The following PREX2 variants were observed in gnomAD, a reference collection of about 807,000 sequenced individuals.
PREX2 encodes the protein phosphatidylinositol-3,4,5-trisphosphate dependent Rac exchange factor 2.
A neutral mutation model predicts 203.2 loss-of-function variants in PREX2; 107 were observed. The observed-to-expected ratio is 0.53, with a 90% CI of 0.45 to 0.62. The LOEUF (loss-of-function observed/expected upper bound fraction) is 0.62, where lower values mean the gene tolerates loss of function less well. Among genes scored for constraint, PREX2 ranks in the 20% least tolerant of loss-of-function variants. The probability of loss-of-function intolerance (pLI) is 0.00; values close to 1 mark genes in which losing one functional copy is unlikely to be tolerated. For synonymous variants in PREX2, 672 were observed against 663.6 expected, an observed-to-expected ratio of 1.01 and a Z score of -0.19; for missense variants, 1,777 against 1,955.9, an observed-to-expected ratio of 0.91 and a Z score of 1.72.
At chr8:68,031,015 G>C (rs1208846025) in intron 6 of PREX2, among the ~76,000 whole-genome samples, 1 of 152,112 alleles carries the variant, frequency 6.6e-6, no homozygotes, top group African/African-American at 2.4e-5. Flanking sequence ...GGAAAGTTCA[G>C]TAGGTGTGCT....
chr8:68,004,171 T>C (rs1807027349), intron 1 of PREX2, among the ~76,000 whole-genome samples: 1 of 152,182 alleles, frequency 6.6e-6, no homozygotes, highest in Non-Finnish European at 1.5e-5. Context: ...GGCTCCTTCA[T>C]TTCCTGACTG....
intron 37 of PREX2, among the ~76,000 whole-genome samples, chr8:68,203,068 T>G (rs1812539263): frequency 6.6e-6 from 1 of 152,168 alleles, no homozygotes; most frequent in African/African-American, 2.4e-5. Context: ...TATGCCAGTC[T>G]CCTTCAGAAA....
intron 35 of PREX2, among the ~76,000 whole-genome samples, chr8:68,175,597 T>G (rs976961869): frequency 1.3e-5 from 2 of 152,152 alleles, no homozygotes; most frequent in African/African-American, 4.8e-5. Flanking sequence ...AGTTGGAGTC[T>G]TACTGTTACT....
intron 31 of PREX2, among the ~76,000 whole-genome samples, chr8:68,133,644 A>G (rs769505851): frequency 5.3e-5 from 8 of 152,122 alleles, no homozygotes; most frequent in Admixed American, 4.6e-4. Flanking sequence ...TGTATTAATA[A>G]TATTGTATCT....
At chr8:68,057,246 C>T (rs1808709360) in intron 10 of PREX2, among the ~76,000 whole-genome samples, 1 of 152,160 alleles carries the variant, frequency 6.6e-6, no homozygotes, top group African/African-American at 2.4e-5. Flanking sequence ...GCATCCCCTT[C>T]TGCCATGATT....
chr8:68,123,169 T>G (rs1810815129), intron 30 of PREX2, among the ~76,000 whole-genome samples: 1 of 152,062 alleles, frequency 6.6e-6, no homozygotes, highest in Non-Finnish European at 1.5e-5. Context: ...AGAACTTGCT[T>G]TATAAATCTG....
At chr8:68,102,716 T>G in intron 23 of PREX2, 1 of 400,174 alleles carries the variant, frequency 2.5e-6, no homozygotes, top group South Asian at 1.9e-5. Context: ...TACCTTATTT[T>G]GACTCTGAAA....
chr8:68,130,750 T>C (rs1810992898), intron 31 of PREX2, among the ~76,000 whole-genome samples: 1 of 152,164 alleles, frequency 6.6e-6, no homozygotes, highest in Non-Finnish European at 1.5e-5. Flanking sequence ...CTTGATGTAC[T>C]GATGGTTGCT....
intron 18 of PREX2, among the ~76,000 whole-genome samples, chr8:68,083,628 A>T (rs1458637395): frequency 6.6e-6 from 1 of 152,144 alleles, no homozygotes; most frequent in African/African-American, 2.4e-5. Context: ...TTTGCTGCCC[A>T]CATTTTCCTG....
chr8:68,025,717 A>C (rs1807698198), intron 4 of PREX2, among the ~76,000 whole-genome samples: 1 of 151,974 alleles, frequency 6.6e-6, no homozygotes. Flanking sequence ...CTCTTACCTC[A>C]GCCTCCCAAA....
At chr8:68,029,797 G>A (rs1444139651) in intron 5 of PREX2, among the ~76,000 whole-genome samples, 1 of 151,936 alleles carries the variant, frequency 6.6e-6, no homozygotes, top group African/African-American at 2.4e-5. Context: ...AAGAGATTAA[G>A]GATTATTCTA....
chr8:67,962,947 A>G (rs1406592287), intron 1 of PREX2, among the ~76,000 whole-genome samples: 2 of 152,156 alleles, frequency 1.3e-5, no homozygotes, highest in Non-Finnish European at 2.9e-5. Context: ...TGTATTTTGA[A>G]TATTCTAGAC....
chr8:68,171,436 G>C (rs1439983511), intron 35 of PREX2, among the ~76,000 whole-genome samples: 1 of 151,994 alleles, frequency 6.6e-6, no homozygotes, highest in Admixed American at 6.6e-5. Context: ...CTGTTCGTAT[G>C]ATAGTGTATC....
At chr8:68,084,827 A>G (rs1316429507) in intron 18 of PREX2, among the ~76,000 whole-genome samples, 1 of 152,178 alleles carries the variant, frequency 6.6e-6, no homozygotes, top group Non-Finnish European at 1.5e-5. Context: ...GGAATAAGGG[A>G]GTAGTATTGA....
At chr8:68,140,214 A>T (rs540958759) in intron 33 of PREX2, among the ~76,000 whole-genome samples, 13 of 152,326 alleles carry the variant, frequency 8.5e-5, no homozygotes, top group African/African-American at 2.6e-4. Flanking sequence ...CAATAATAGT[A>T]TGTAAATGTA....
intron 1 of PREX2, among the ~76,000 whole-genome samples, chr8:67,967,865 G>A (rs1256999416): frequency 1.3e-5 from 2 of 152,080 alleles, no homozygotes; most frequent in East Asian, 1.9e-4. Flanking sequence ...CTCACTCATA[G>A]GTGGGAATTG....
intron 10 of PREX2, among the ~76,000 whole-genome samples, chr8:68,057,933 T>C (rs908082373): frequency 1.3e-5 from 2 of 152,226 alleles, no homozygotes; most frequent in African/African-American, 4.8e-5. Flanking sequence ...TCACTTACAC[T>C]GTGTCATATG....
chr8:68,074,858 T>C (rs151112139), intron 14 of PREX2, among the ~76,000 whole-genome samples: 1 of 152,318 alleles, frequency 6.6e-6, no homozygotes, highest in African/African-American at 2.4e-5. Flanking sequence ...AGTTTTTCTC[T>C]TATTCTGCAA....
At chr8:68,134,426 G>T in intron 32 of PREX2, 150 bp downstream of exon 32, 3 of 632,154 alleles carry the variant, frequency 4.7e-6, no homozygotes, top group Admixed American at 3.0e-5. Flanking sequence ...ATTTTTCTGT[G>T]GTCCTTCAAA....
Sources: gnomAD v4.1 joint callset for allele counts (sites outside exome capture counted in the v4.1 genomes callset) on GRCh38, gnomAD v4.1.1 for gene constraint, MANE v1.5 for transcripts, NCBI Gene and HGNC (gene_info 2026-07-23, HGNC 2026-07-21) for gene names.